Variants in INO80 observed in about 807,000 individuals in gnomAD.
The protein encoded by INO80 is chromatin-remodeling ATPase INO80.
In INO80, 20 loss-of-function variants were observed where a neutral mutation model predicts 203.4. That is an observed-to-expected ratio of 0.10 (90% confidence interval 0.07 to 0.14). INO80 has a LOEUF of 0.14. Ranked by LOEUF, INO80 falls within the 10% of genes least tolerant of loss-of-function variation. The pLI, the probability that INO80 is intolerant of heterozygous loss-of-function variation, is 1.00. For synonymous variants in INO80, 726 were observed against 685.2 expected, an observed-to-expected ratio of 1.06 and a Z score of -0.93; for missense variants, 1,419 against 1,914.4, an observed-to-expected ratio of 0.74 and a Z score of 4.83.
At position 41,074,458 on chromosome 15, in the gene INO80, T is replaced by A. The variant is rs924084152; in HGVS notation, c.1239A>T (p.Glu413Asp). 1.9e-6 allele frequency: 3 copies of A among 1,613,970 alleles called. No individual in the cohort carries two copies. Among genetic ancestry groups the A allele is most frequent in the Non-Finnish European group, 2.5e-6 (3 of 1,179,958 alleles). ...RDMGHDGIQE[E>D]ILRKLEDSST... Reference sequence around the variant, plus strand: ...AACTGTCTTCCAGTTTCCTTAGGATTTCTTCCTGGATACCATCATGACCCA... The same window carrying A: ...AACTGTCTTCCAGTTTCCTTAGGATATCTTCCTGGATACCATCATGACCCA... Residue 413 changes from glutamate (E) to aspartate (D), a missense_variant, in exon 10 of 36, where the codon GAA (glutamate) becomes GAT (aspartate). Transcript: ENST00000648947.
intron 25 of INO80, among the ~76,000 whole-genome samples, chr15:41,025,264 T>C (rs992644964): frequency 2.6e-5 from 4 of 152,198 alleles, no homozygotes; most frequent in African/African-American, 7.2e-5. Flanking sequence ...TGAAGTAGTA[T>C]AGATGGGGCA....
chr15:40,982,723 CA>C lies in INO80; in HGVS notation c.4453+138del, dbSNP rs796231340. The C allele has an allele frequency of 7.4e-6, 5 of 678,112 alleles. No individual in the cohort carries two copies. The African/African-American group carries it at 9.0e-5, about 12-fold the overall frequency. 42.0% of individuals were successfully genotyped at this position (678,112 alleles called of 1,614,324 possible). A position where few individuals can be genotyped will look rare whatever the true frequency, so the allele number is the denominator to read the frequency against. On this transcript the variant is annotated intron_variant, in intron 35 of 35. Coordinates refer to ENST00000648947, the MANE Select transcript of INO80 (RefSeq NM_017553.3). ...AGGGGTGAGTCAACAGTGCTTATTA[CA>C]AAGAAGAAGAACCCCAATTGGGGCT...
intron 24 of INO80, among the ~76,000 whole-genome samples, chr15:41,033,644 T>C (rs957289085): frequency 1.3e-5 from 2 of 152,038 alleles, no homozygotes; most frequent in Non-Finnish European, 2.9e-5. Context: ...CAATGCAGGG[T>C]AGAACACAAG....
At chr15:41,031,738 GA>G (rs2044476662) in intron 24 of INO80, among the ~76,000 whole-genome samples, 1 of 151,820 alleles carries the variant, frequency 6.6e-6, no homozygotes. Flanking sequence ...TCATGCTCTT[GA>G]ATGTCTCATT....
chr15:41,114,485 G>T (rs962012100), intron 1 of INO80, among the ~76,000 whole-genome samples: 3 of 151,962 alleles, frequency 2.0e-5, no homozygotes, highest in Non-Finnish European at 4.4e-5. Context: ...AAGGCAGGCG[G>T]ATCACTTGAG....
chr15:41,025,963 T>C (rs2044369063), intron 25 of INO80, among the ~76,000 whole-genome samples: 1 of 152,216 alleles, frequency 6.6e-6, no homozygotes, highest in Non-Finnish European at 1.5e-5. Context: ...AACTTAAGCT[T>C]CTGAGACCAA....
chr15:41,064,563 AAGTGAAAGACAATGTAT>A (rs1237512658), intron 14 of INO80, among the ~76,000 whole-genome samples: 2 of 152,218 alleles, frequency 1.3e-5, no homozygotes, highest in African/African-American at 4.8e-5. Context: ...GATTATGATG[AAGTGAAAGACAATGTAT>A]ATATGACACA....
At chr15:41,021,223 G>A (rs1432052923) in intron 25 of INO80, 98 bp from the exon 26 acceptor site, 1 of 755,172 alleles carries the variant, frequency 1.3e-6, no homozygotes, top group Non-Finnish European at 2.3e-6. Context: ...AATGTGGATA[G>A]TTCTTAGACT....
At chr15:41,021,156 T>C (rs1312863127) in intron 25 of INO80, 31 bp from the exon 26 acceptor site, 4 of 1,487,558 alleles carry the variant, frequency 2.7e-6, no homozygotes, top group Admixed American at 1.7e-5. Flanking sequence ...GAGATGGCTC[T>C]TTCACGTTGT....
intron 31 of INO80, among the ~76,000 whole-genome samples, chr15:40,986,819 G>T (rs923845120): frequency 6.6e-6 from 1 of 152,066 alleles, no homozygotes; most frequent in Admixed American, 6.6e-5. Flanking sequence ...TAGAGGTGGG[G>T]TTTCACAATG....
At chr15:41,053,749 G>GA (rs761699541) in intron 19 of INO80, among the ~76,000 whole-genome samples, 180 bp downstream of exon 19, 74 of 152,034 alleles carry the variant, frequency 4.9e-4, no homozygotes, top group Non-Finnish European at 9.1e-4. Flanking sequence ...TTCAAAAAAA[G>GA]AAAAAAAGAT....
chr15:41,060,538 G>C (rs554635839), intron 14 of INO80, among the ~76,000 whole-genome samples: 2 of 151,202 alleles, frequency 1.3e-5, no homozygotes. Context: ...TGGGGGACAA[G>C]AGCAAGACTT....
At chr15:41,108,430 A>C (rs1278077711) in intron 1 of INO80, among the ~76,000 whole-genome samples, 3 of 151,222 alleles carry the variant, frequency 2.0e-5, no homozygotes, top group Non-Finnish European at 4.4e-5. Flanking sequence ...TCTCTACTAA[A>C]AAATACAAAA....
At chr15:41,009,321 C>G (rs2044098882) in intron 27 of INO80, among the ~76,000 whole-genome samples, 1 of 150,382 alleles carries the variant, frequency 6.6e-6, no homozygotes, top group South Asian at 2.1e-4. Context: ...CATGCTGGTG[C>G]ACTGCACCCA....
intron 1 of INO80, among the ~76,000 whole-genome samples, chr15:41,114,339 C>T (rs1041959421): frequency 1.3e-5 from 2 of 151,512 alleles, no homozygotes; most frequent in Admixed American, 6.6e-5. Flanking sequence ...ATAATGATCT[C>T]AAATTGTTTT....
chr15:41,093,180 A>G (rs990321152), intron 4 of INO80, among the ~76,000 whole-genome samples: 1 of 152,176 alleles, frequency 6.6e-6, no homozygotes, highest in African/African-American at 2.4e-5. Context: ...TAATCCCAGC[A>G]CTTCGGGAGG....
chr15:41,076,483 T>C (rs2045405199), intron 9 of INO80, among the ~76,000 whole-genome samples: 1 of 151,726 alleles, frequency 6.6e-6, no homozygotes, highest in Admixed American at 6.6e-5. Flanking sequence ...TTTTTTTTAA[T>C]GTCAGAAGGC....
chr15:41,082,930 A>C (rs868765606), intron 7 of INO80, among the ~76,000 whole-genome samples: 3 of 151,908 alleles, frequency 2.0e-5, no homozygotes, highest in Admixed American at 6.6e-5. Flanking sequence ...ACACCATCTG[A>C]GGCCTCTTCA....
At chr15:41,007,175 T>C (rs2044055513) in intron 27 of INO80, among the ~76,000 whole-genome samples, 1 of 122,584 alleles carries the variant, frequency 8.2e-6, no homozygotes, top group South Asian at 2.4e-4. Flanking sequence ...ACTCTTTTTT[T>C]TTTTTTCTTT....
Sources: allele counts gnomAD v4.1 joint callset (sites outside exome capture counted in the v4.1 genomes callset), GRCh38; gene constraint gnomAD v4.1.1; transcripts MANE v1.5; gene names NCBI Gene and HGNC (gene_info 2026-07-23, HGNC 2026-07-21).